Variants in ITGA9 observed in about 807,000 individuals in gnomAD.
ITGA9 encodes the protein integrin subunit alpha 9, also known as integrin alpha-9.
In ITGA9, 56 loss-of-function variants were observed where a neutral mutation model predicts 127.8. That is an observed-to-expected ratio of 0.44 (90% CI 0.35 to 0.55). The LOEUF is 0.55. ITGA9 is among the 20% of genes least tolerant of loss of function. The probability of loss-of-function intolerance (pLI) is 0.00; values close to 1 mark genes in which losing one functional copy is unlikely to be tolerated. For missense variants in ITGA9, 1,196 were observed against 1,347.1 expected, an observed-to-expected ratio of 0.89 and a Z score of 1.76; for synonymous variants, 508 against 514.5, an observed-to-expected ratio of 0.99 and a Z score of 0.17.
At position 37,490,975 on chromosome 3, in the gene ITGA9, C is replaced by CTT. The variant is rs1553642022; in HGVS notation, c.545-3508_545-3507dup. 2.6e-3 allele frequency among the ~76,000 whole-genome samples: 272 copies of CTT among 105,096 alleles called. 9 individuals carry two copies. Among genetic ancestry groups the CTT allele is most frequent in the African/African-American group, 9.2e-3 (254 of 27,634 alleles). 68.9% of individuals were successfully genotyped at this position (105,096 alleles called of 152,430 possible). A position where few individuals can be genotyped will look rare whatever the true frequency, so the allele number is the denominator to read the frequency against. On this transcript the variant is annotated intron_variant, in intron 4 of 27. Transcript: ENST00000264741. ...GGTCTCAGATTTGGCTTCCCCCCCGCTTTTTTTTTTTTTTTTTTTGAGACC... is the reference window on the plus strand; with the variant it reads ...GGTCTCAGATTTGGCTTCCCCCCCGCTTTTTTTTTTTTTTTTTTTTTGAGACC...
At chr3:37,738,378 G>A (rs916072555) in intron 20 of ITGA9, among the ~76,000 whole-genome samples, 1 of 152,200 alleles carries the variant, frequency 6.6e-6, no homozygotes, top group Non-Finnish European at 1.5e-5. Context: ...GTAGGTGGTG[G>A]GCACGAGAGT....
rs761793667 is a variant in ITGA9, at chr3:37,547,763, G to T, written c.1689+5178G>T. On this transcript the variant is annotated intron_variant, in intron 15 of 27. Transcript: ENST00000264741. Reference sequence around the variant, plus strand: ...TTGGCAAAAGGGGACGCCAACCTTAGATATGAGGTCTTCTGAAAACTTTTA... The same window carrying T: ...TTGGCAAAAGGGGACGCCAACCTTATATATGAGGTCTTCTGAAAACTTTTA... Among the ~76,000 whole-genome samples, 73 of 152,188 alleles carry T rather than the reference G, an allele frequency of 4.8e-4. 1 individual carries two copies. The highest frequency in any genetic ancestry group is 2.0e-4 in the Admixed American group (3 of 15,284).
chr3:37,682,155 T>C (rs1700740167), intron 17 of ITGA9, among the ~76,000 whole-genome samples: 1 of 152,200 alleles, frequency 6.6e-6, no homozygotes, highest in South Asian at 2.1e-4. Context: ...CCAGCTACCA[T>C]CCAATTTCTC....
At chr3:37,757,516 T>G (rs1390125007) in intron 23 of ITGA9, among the ~76,000 whole-genome samples, 3 of 151,544 alleles carry the variant, frequency 2.0e-5, no homozygotes, top group Admixed American at 6.6e-5. Context: ...AAAAAACAAA[T>G]TAGCCAGGCA....
intron 16 of ITGA9, among the ~76,000 whole-genome samples, chr3:37,632,317 C>T (rs1351436176): frequency 6.6e-6 from 1 of 152,044 alleles, no homozygotes; most frequent in Non-Finnish European, 1.5e-5. Flanking sequence ...GAATGAAAGG[C>T]AAGGGAAGTG....
intron 16 of ITGA9, among the ~76,000 whole-genome samples, chr3:37,633,406 C>T (rs187196081): frequency 1.2e-3 from 190 of 152,212 alleles, no homozygotes; most frequent in African/African-American, 4.3e-3. Flanking sequence ...CATTGCCTAG[C>T]CTACCTTAAA....
At chr3:37,745,023 T>G (rs976766881) in intron 22 of ITGA9, among the ~76,000 whole-genome samples, 1 of 152,214 alleles carries the variant, frequency 6.6e-6, no homozygotes, top group African/African-American at 2.4e-5. Flanking sequence ...CTCCCAGAAC[T>G]CTTCTCTGCC....
chr3:37,497,537 A>T (rs1043287405), intron 5 of ITGA9, among the ~76,000 whole-genome samples: 3 of 152,164 alleles, frequency 2.0e-5, no homozygotes. Flanking sequence ...TTTAAAAAAG[A>T]TTTCGATCTT....
chr3:37,453,981 A>G (rs1297086718), intron 1 of ITGA9, among the ~76,000 whole-genome samples: 6 of 152,166 alleles, frequency 3.9e-5, no homozygotes, highest in African/African-American at 1.4e-4. Context: ...TCCCCTTTTA[A>G]AGCGGAGCAG....
In ITGA9 at chr3:37,669,344, T is replaced by C. The variant is rs563156457; in HGVS notation, c.1917-14521T>C. Reference sequence around the variant, plus strand: ...TGGATTAACTCCCTGGTGCAGTTTATGCTGCACAGCTCCCCTTGGTGTCTG... The same window carrying C: ...TGGATTAACTCCCTGGTGCAGTTTACGCTGCACAGCTCCCCTTGGTGTCTG... On this transcript the variant is annotated intron_variant, in intron 17 of 27. Coordinates refer to ENST00000264741, the MANE Select transcript of ITGA9 (RefSeq NM_002207.3). Among the ~76,000 whole-genome samples, 85 of 152,352 alleles carry C rather than the reference T, an allele frequency of 5.6e-4. No homozygotes were observed. The Middle Eastern group carries it at 0.01, about 18-fold the overall frequency.
chr3:37,759,234 A>C (rs1238230234), intron 23 of ITGA9, among the ~76,000 whole-genome samples: 2 of 152,066 alleles, frequency 1.3e-5, no homozygotes, highest in African/African-American at 2.4e-5. Context: ...CAAAACAAAA[A>C]AAAAGTAACA....
chr3:37,488,197 G>T (rs1462313226), intron 4 of ITGA9, among the ~76,000 whole-genome samples: 1 of 152,150 alleles, frequency 6.6e-6, no homozygotes, highest in African/African-American at 2.4e-5. Context: ...TATGCGCCAG[G>T]ACAACAGGCC....
At chr3:37,518,690 A>C (rs961862612) in intron 10 of ITGA9, among the ~76,000 whole-genome samples, 1 of 149,158 alleles carries the variant, frequency 6.7e-6, no homozygotes, top group Non-Finnish European at 1.5e-5. Context: ...TGGATGGGTC[A>C]GTGGTTTTTC....
rs1575254676 is a variant in ITGA9 at position 37,819,942 on chromosome 3, G to C, written c.*953G>C. The C allele has an allele frequency of 6.6e-6, 1 of 152,152 alleles. No homozygotes were observed. Among genetic ancestry groups the C allele is most frequent in the South Asian group, 2.1e-4 (1 of 4,822 alleles). 9.4% of individuals were successfully genotyped at this position (152,152 alleles called of 1,614,324 possible). On this transcript the variant is annotated 3_prime_UTR_variant, in exon 28 of 28. Transcript: ENST00000264741. ...GAATGCTGTGAGGGATTGCCTTTTT[G>C]TGGTAATTTTCATTGAGAGATCTTC...
rs775625243 is a variant in ITGA9 at position 37,513,806 on chromosome 3, A to C, written c.941A>C (p.Asn314Thr). The C allele has an allele frequency of 6.2e-7, 1 of 1,613,948 alleles. No individual in the cohort carries two copies. The highest frequency in any genetic ancestry group is 1.1e-5 in the South Asian group (1 of 91,060). The change falls in exon 9 of 28, where the codon AAT becomes ACT. Residue 314 changes from asparagine to threonine, a missense_variant. By Grantham distance (65) the Asn-to-Thr change is moderately conservative. Transcript: ENST00000264741. ...FGSSLCAVDL[N>T]GDGLSDLLVG... The stretch of plus-strand genomic sequence containing the variant: ...TCCTCCTTGTGCGCAGTTGACCTGA[A>C]TGGGGACGGCCTCTCTGACCTGCTG...
Position 37,533,373 on chromosome 3 carries a change from C to T in ITGA9, c.1433C>T (p.Thr478Ile). 3 of 1,614,198 alleles carry T rather than the reference C, an allele frequency of 1.9e-6. No homozygotes were observed. The highest frequency in any genetic ancestry group is 2.5e-6 in the Non-Finnish European group (3 of 1,180,022). Reference sequence around the variant, plus strand: ...TTCCTCCCGGGCTCCATCAACATCACAGCGCCTCAGTGTCACGACGGACAG... The same window carrying T: ...TTCCTCCCGGGCTCCATCAACATCATAGCGCCTCAGTGTCACGACGGACAG... ...SIFLPGSINI[T>I]APQCHDGQQP... Residue 478 changes from threonine to isoleucine, a missense_variant, in exon 14 of 28, where the codon ACA becomes ATA. Thr to Ile is a moderately conservative substitution (Grantham distance 89, BLOSUM62 -1). Transcript: ENST00000264741.
At chr3:37,623,262 C>T (rs1299085338) in intron 15 of ITGA9, among the ~76,000 whole-genome samples, 1 of 152,224 alleles carries the variant, frequency 6.6e-6, no homozygotes, top group Non-Finnish European at 1.5e-5. Flanking sequence ...TTGTGGCGTA[C>T]AGTAAACATA....
intron 23 of ITGA9, among the ~76,000 whole-genome samples, chr3:37,772,766 C>T (rs1013326919): frequency 1.3e-5 from 2 of 152,124 alleles, no homozygotes; most frequent in Admixed American, 6.5e-5. Flanking sequence ...TTGCTTTCCC[C>T]GATTGAAGTG....
chr3:37,583,215 C>T lies in ITGA9; in HGVS notation c.1689+40630C>T, dbSNP rs545860941. Among the ~76,000 whole-genome samples, 4 of 152,248 alleles carry T rather than the reference C, an allele frequency of 2.6e-5. No individual in the cohort carries two copies. The East Asian group carries it at 7.7e-4, about 29-fold the overall frequency. On this transcript the variant is annotated intron_variant, in intron 15 of 27. Coordinates refer to ENST00000264741, the MANE Select transcript of ITGA9 (RefSeq NM_002207.3). Reference sequence around the variant, plus strand: ...TTAGATTTCTTTTCTGGAGAGGTGTCCCCAGACTGCTGTGCATAGGTCCTT... The same window carrying T: ...TTAGATTTCTTTTCTGGAGAGGTGTTCCCAGACTGCTGTGCATAGGTCCTT...
Sources: gnomAD v4.1 joint callset for allele counts (sites outside exome capture counted in the v4.1 genomes callset) on GRCh38, gnomAD v4.1.1 for gene constraint, MANE v1.5 for transcripts, NCBI Gene and HGNC (gene_info 2026-07-23, HGNC 2026-07-21) for gene names.